ENTREP2: variants seen among roughly 807,000 people sequenced by gnomAD.
ENTREP2 encodes the protein protein ENTREP2.
At chr15:29,197,853 G>T in the ENTREP2 span, among the ~76,000 whole-genome samples, 1 of 151,956 alleles carries the variant, frequency 6.6e-6, no homozygotes, top group Non-Finnish European at 1.5e-5. Context: ...AGACTAAGAA[G>T]TGCCCTGCTT....
At chr15:29,128,291 AC>A in the ENTREP2 span, among the ~76,000 whole-genome samples, 1 of 151,824 alleles carries the variant, frequency 6.6e-6, no homozygotes, top group Admixed American at 6.6e-5. Context: ...TGCACGCGAC[AC>A]CCACCCTCTG....
At chr15:29,485,525 T>C in the ENTREP2 span, among the ~76,000 whole-genome samples, 1 of 152,050 alleles carries the variant, frequency 6.6e-6, no homozygotes. Context: ...AGAAGGCAAA[T>C]GAGCAACCTG....
chr15:29,335,793 T>C, the ENTREP2 span, among the ~76,000 whole-genome samples: 3 of 152,330 alleles, frequency 2.0e-5, no homozygotes, highest in African/African-American at 7.2e-5. Context: ...CAACTTCTGT[T>C]GGTTGTCTGT....
the ENTREP2 span, among the ~76,000 whole-genome samples, chr15:29,417,242 A>C: frequency 6.6e-6 from 1 of 152,212 alleles, no homozygotes; most frequent in Non-Finnish European, 1.5e-5. Flanking sequence ...CTTGGAACCA[A>C]CCCAAATATC....
chr15:29,182,032 C>T, the ENTREP2 span, among the ~76,000 whole-genome samples: 6 of 151,866 alleles, frequency 4.0e-5, no homozygotes, highest in African/African-American at 7.3e-5. Context: ...ACAAAACTGT[C>T]GTTATTCCCA....
chr15:29,419,037 T>C, the ENTREP2 span, among the ~76,000 whole-genome samples: 221 of 152,244 alleles, frequency 1.5e-3, no homozygotes, highest in African/African-American at 5.2e-3. Context: ...CTGTGACAAA[T>C]ATAGAAGACT....
the ENTREP2 span, among the ~76,000 whole-genome samples, chr15:29,451,111 A>C: frequency 6.6e-6 from 1 of 152,240 alleles, no homozygotes; most frequent in African/African-American, 2.4e-5. Context: ...AGGTTAAAAA[A>C]AAAGAAGTGT....
chr15:29,136,941 C>T, the ENTREP2 span: 246 of 1,102,332 alleles, frequency 2.2e-4, 1 homozygote, highest in Non-Finnish European at 2.8e-4. Flanking sequence ...CTGTTCTCAC[C>T]GCCATGCCTG....
At chr15:29,183,823 G>A in the ENTREP2 span, among the ~76,000 whole-genome samples, 9 of 152,148 alleles carry the variant, frequency 5.9e-5, no homozygotes, top group African/African-American at 1.4e-4. Flanking sequence ...ACAGAGAGCC[G>A]TGGCAGTGGA....
At chr15:29,412,079 AGGTTG>A in the ENTREP2 span, among the ~76,000 whole-genome samples, 3 of 152,128 alleles carry the variant, frequency 2.0e-5, no homozygotes, top group Non-Finnish European at 4.4e-5. Flanking sequence ...TTTTACAATT[AGGTTG>A]TTAAGTCTTA....
chr15:29,557,489 C>T, the ENTREP2 span, among the ~76,000 whole-genome samples: 1 of 152,158 alleles, frequency 6.6e-6, no homozygotes, highest in African/African-American at 2.4e-5. Context: ...CCCAAAAGTG[C>T]CACCTGCTGC....
At chr15:29,416,956 C>T in the ENTREP2 span, among the ~76,000 whole-genome samples, 1 of 152,200 alleles carries the variant, frequency 6.6e-6, no homozygotes, top group African/African-American at 2.4e-5. Context: ...TACCATCTCA[C>T]ACCAGTTAGG....
At chr15:29,201,866 G>C in the ENTREP2 span, among the ~76,000 whole-genome samples, 1 of 152,072 alleles carries the variant, frequency 6.6e-6, no homozygotes, top group Admixed American at 6.5e-5. Context: ...TTCTATAAAT[G>C]CTTAATAGAA....
At chr15:29,428,512 G>C in the ENTREP2 span, among the ~76,000 whole-genome samples, 1 of 151,756 alleles carries the variant, frequency 6.6e-6, no homozygotes, top group Non-Finnish European at 1.5e-5. Flanking sequence ...ACCGTGCCCA[G>C]CCACTTCCAT....
At chr15:29,169,423 G>T in the ENTREP2 span, among the ~76,000 whole-genome samples, 51 of 152,216 alleles carry the variant, frequency 3.4e-4, no homozygotes, top group Non-Finnish European at 5.6e-4. Flanking sequence ...TATAATAAAA[G>T]AAGTACACCA....
chr15:29,118,885 G>T, the ENTREP2 span, among the ~76,000 whole-genome samples: 1 of 152,206 alleles, frequency 6.6e-6, no homozygotes, highest in Non-Finnish European at 1.5e-5. Flanking sequence ...GTTCAGAGGC[G>T]GTGGCCTGGG....
chr15:29,194,685 C>T, the ENTREP2 span, among the ~76,000 whole-genome samples: 2 of 152,172 alleles, frequency 1.3e-5, no homozygotes, highest in Non-Finnish European at 2.9e-5. Flanking sequence ...GTCACCAGCT[C>T]CCCCTAGACC....
At chr15:29,400,063 G>GGGC in the ENTREP2 span, among the ~76,000 whole-genome samples, 2 of 152,200 alleles carry the variant, frequency 1.3e-5, no homozygotes, top group Non-Finnish European at 2.9e-5. Context: ...ATATATGCCA[G>GGGC]ATATACTTAC....
At chr15:29,145,598 G>T in the ENTREP2 span, among the ~76,000 whole-genome samples, 6 of 144,828 alleles carry the variant, frequency 4.1e-5, no homozygotes, top group African/African-American at 1.3e-4. Flanking sequence ...ACTCCAGCCT[G>T]GGCGACAGAG....
Sources: allele counts gnomAD v4.1 joint callset (sites outside exome capture counted in the v4.1 genomes callset), GRCh38; gene constraint gnomAD v4.1.1; transcripts MANE v1.5; gene names NCBI Gene and HGNC (gene_info 2026-07-23, HGNC 2026-07-21).